Variants in SSX2IP observed in about 807,000 individuals in gnomAD.
SSX2IP encodes SSX family member 2 interacting protein.
Under a neutral mutation model 84.9 loss-of-function variants are expected in SSX2IP, and 55 were observed. The ratio of observed to expected loss-of-function variants is 0.65; its 90% CI spans 0.52 to 0.81. The LOEUF (loss-of-function observed/expected upper bound fraction) is 0.81, where lower values mean the gene tolerates loss of function less well. Among genes scored for constraint, SSX2IP ranks in the 30% least tolerant of loss-of-function variants. SSX2IP has a pLI of 0.00. For missense variants in SSX2IP, 664 were observed against 705.2 expected (o/e 0.94, Z 0.66); for synonymous variants, 239 against 234.7 (o/e 1.02, Z -0.17).
intron 1 of SSX2IP, among the ~76,000 whole-genome samples, chr1:84,689,151 A>T (rs1656225028): frequency 6.6e-6 from 1 of 152,162 alleles, no homozygotes; most frequent in Non-Finnish European, 1.5e-5. Flanking sequence ...CAAATTCATA[A>T]ATCTACCTCT....
Position 84,666,150 on chromosome 1 carries a change from T to C in SSX2IP, c.509A>G (p.His170Arg). 6.2e-7 allele frequency: 1 copy of C among 1,612,342 alleles called. No homozygotes were observed. Among genetic ancestry groups the C allele is most frequent in the South Asian group, 1.1e-5 (1 of 90,756 alleles). Reference protein sequence around the residue: ...RQLQCKNRNLHQLLKNEKDEV... With the variant: ...RQLQCKNRNLRQLLKNEKDEV... ...ATCTTTCTCATTCTTTAGTAGCTGATGCAAATTCCTGTTCTTACATTGTAA... is the reference window on the plus strand; with the variant it reads ...ATCTTTCTCATTCTTTAGTAGCTGACGCAAATTCCTGTTCTTACATTGTAA... The change falls in exon 5 of 14, where the codon CAT becomes CGT. Residue 170 changes from histidine (H) to arginine (R), a missense_variant. By Grantham distance (29) the His-to-Arg change is conservative. Transcript: ENST00000342203.
chr1:84,651,974 T>C lies in SSX2IP; in HGVS notation c.1413A>G (p.Arg471=). The C allele has an allele frequency of 1.9e-6, 3 of 1,613,738 alleles. No homozygotes were observed. Among genetic ancestry groups the C allele is most frequent in the Non-Finnish European group, 2.5e-6 (3 of 1,179,716 alleles). The stretch of plus-strand genomic sequence containing the variant: ...GAAACTGCTGCTTTAACCAACTGGC[T>C]CTTTCTTCTTCAAATGCCTTTCTCT... ...GLERKAFEEE[R]ASWLKQQFLN... The change falls in exon 12 of 14, where the codon AGA becomes AGG. Residue 471 remains arginine, a synonymous_variant. Coordinates refer to ENST00000342203, the MANE Select transcript of SSX2IP (RefSeq NM_001166293.2).
At chr1:84,684,311 T>C (rs767399141) in intron 1 of SSX2IP, among the ~76,000 whole-genome samples, 2 of 152,220 alleles carry the variant, frequency 1.3e-5, no homozygotes, top group Non-Finnish European at 2.9e-5. Context: ...TGAGAATCAC[T>C]GCTGTGTTCT....
In SSX2IP at chr1:84,671,274, G is replaced by C. The variant is rs1486666104; in HGVS notation, c.-55C>G. 5 of 1,595,722 alleles carry C rather than the reference G, an allele frequency of 3.1e-6. No homozygotes were observed. Among genetic ancestry groups the C allele is most frequent in the South Asian group, 1.1e-5 (1 of 87,242 alleles). The stretch of plus-strand genomic sequence containing the variant: ...AACTAGTTCAGCAGTTAAACATTTA[G>C]TCTAGCTGCTGTCACTCTTCTATGT... On this transcript the variant is annotated 5_prime_UTR_variant, in exon 2 of 14. Coordinates refer to ENST00000342203, the MANE Select transcript of SSX2IP (RefSeq NM_001166293.2).
chr1:84,688,181 A>G (rs1395321989), intron 1 of SSX2IP, among the ~76,000 whole-genome samples: 1 of 152,194 alleles, frequency 6.6e-6, no homozygotes, highest in Admixed American at 6.5e-5. Flanking sequence ...CAAAAGGCAC[A>G]ATTCTAGGAT....
rs1251326365 is a variant in SSX2IP at position 84,644,189 on chromosome 1, T to C, written c.*3244A>G. ...TAGTACTTCACAAAGGAAATAATGC[T>C]AAGACTTATAAATGGAAGCCTAGCC... On this transcript the variant is annotated 3_prime_UTR_variant, in exon 14 of 14. Coordinates refer to ENST00000342203, the MANE Select transcript of SSX2IP (RefSeq NM_001166293.2). The C allele has an allele frequency of 7.2e-5, 11 of 152,240 alleles. No homozygotes were observed. The highest frequency in any genetic ancestry group is 1.5e-5 in the Non-Finnish European group (1 of 68,036). 9.4% of individuals were successfully genotyped at this position (152,240 alleles called of 1,614,324 possible).
chr1:84,656,044 T>C (rs541320072), intron 10 of SSX2IP, 39 bp from the exon 11 acceptor site: 92 of 1,556,756 alleles, frequency 5.9e-5, no homozygotes, highest in Non-Finnish European at 7.6e-5. Flanking sequence ...CTGAGGGACC[T>C]TGCGACACTC....
rs199673519 is a variant in SSX2IP, at chr1:84,666,236, A to C, written c.427-4T>G. On this transcript the variant is annotated splice_polypyrimidine_tract_variant and splice_region_variant and intron_variant, in intron 4 of 13. Coordinates refer to ENST00000342203, the MANE Select transcript of SSX2IP (RefSeq NM_001166293.2). Reference sequence around the variant, plus strand: ...TCCTGGAGGTTTCCAGTTGTTCCTAAAACATTTATAAGCAATTTTGCTTAA... The same window carrying C: ...TCCTGGAGGTTTCCAGTTGTTCCTACAACATTTATAAGCAATTTTGCTTAA... The C allele has an allele frequency of 1.4e-4, 229 of 1,602,924 alleles. 1 individual carries two copies. In the East Asian group the frequency reaches 3.5e-3, roughly 25 times the overall value.
Position 84,644,409 on chromosome 1 carries a change from A to G in SSX2IP, c.*3024T>C, listed in dbSNP as rs1386529805. ...TTCATATCACCAAGGATTGGAAAGC[A>G]GTAGTAAGCCTTGACATACAGCAGG... On this transcript the variant is annotated 3_prime_UTR_variant, in exon 14 of 14. Transcript: ENST00000342203. 2 of 152,252 alleles carry G rather than the reference A, an allele frequency of 1.3e-5. No individual in the cohort carries two copies. Among genetic ancestry groups the G allele is most frequent in the African/African-American group, 4.8e-5 (2 of 41,476 alleles). The allele number at this position is 152,252 out of a possible 1,614,324, so 9.4% of individuals were successfully genotyped here.
rs1458414731 is a variant in SSX2IP at position 84,650,490 on chromosome 1, C to T, written c.1542G>A (p.Gln514=). Residue 514 remains glutamine (Q), a synonymous_variant, in exon 13 of 14, where the codon CAG becomes CAA. Transcript: ENST00000342203. ...ACACACTGTGAGGCTTCTTTTGCGG[C>T]TGCCTCGAGTGCACTATAAGATTGT... is the stretch of plus-strand genomic sequence containing the variant. ...DWDNLIVHSR[Q]PQKKPHSVSN... The T allele has an allele frequency of 2.0e-5, 32 of 1,614,004 alleles. No individual in the cohort carries two copies. Among genetic ancestry groups the T allele is most frequent in the Non-Finnish European group, 2.7e-5 (32 of 1,180,032 alleles).
chr1:84,654,802 C>T (rs1406225594), intron 11 of SSX2IP, among the ~76,000 whole-genome samples: 1 of 151,972 alleles, frequency 6.6e-6, no homozygotes, highest in African/African-American at 2.4e-5. Flanking sequence ...CAAGTTTAGA[C>T]AAAGTACTTA....
At position 84,669,671 on chromosome 1, in the gene SSX2IP, C is replaced by T. The variant is rs1653260444; in HGVS notation, c.426+10G>A. The T allele has an allele frequency of 6.2e-7, 1 of 1,607,340 alleles. No individual in the cohort carries two copies. The highest frequency in any genetic ancestry group is 8.5e-7 in the Non-Finnish European group (1 of 1,174,602). The stretch of plus-strand genomic sequence containing the variant: ...ATTATGGCATTAAAATATGGATCTG[C>T]AATTTCTACCTTAAGTTTTGAGTAG... On this transcript the variant is annotated intron_variant, in intron 4 of 13. Coordinates refer to ENST00000342203, the MANE Select transcript of SSX2IP (RefSeq NM_001166293.2).
At chr1:84,664,967 G>A (rs536200959) in intron 5 of SSX2IP, among the ~76,000 whole-genome samples, 5 of 152,208 alleles carry the variant, frequency 3.3e-5, no homozygotes, top group Admixed American at 2.6e-4. Flanking sequence ...GTGACACATG[G>A]CAGCAGGTAA....
At chr1:84,686,084 A>C (rs1655743846) in intron 1 of SSX2IP, among the ~76,000 whole-genome samples, 1 of 152,232 alleles carries the variant, frequency 6.6e-6, no homozygotes, top group Admixed American at 6.5e-5. Flanking sequence ...AATAAGTTCT[A>C]TTTGTAGCAC....
chr1:84,667,091 G>A (rs1323540176), intron 4 of SSX2IP, among the ~76,000 whole-genome samples: 1 of 151,962 alleles, frequency 6.6e-6, no homozygotes, highest in East Asian at 1.9e-4. Flanking sequence ...TACTACTAGG[G>A]TAGATCAGTT....
intron 13 of SSX2IP, chr1:84,649,857 C>T (rs951891003): frequency 6.2e-6 from 3 of 484,654 alleles, no homozygotes; most frequent in Non-Finnish European, 1.2e-5. Flanking sequence ...ATATGGGTTT[C>T]CCAGGGTGGA....
intron 11 of SSX2IP, among the ~76,000 whole-genome samples, chr1:84,655,143 AC>A (rs1294529867): frequency 6.6e-6 from 1 of 152,180 alleles, no homozygotes; most frequent in Non-Finnish European, 1.5e-5. Context: ...GAATCAATGA[AC>A]TGATAAACAA....
Position 84,650,509 on chromosome 1 carries a change from A to C in SSX2IP, c.1523T>G (p.Leu508Arg), listed in dbSNP as rs747732021. The C allele has an allele frequency of 6.2e-7, 1 of 1,614,170 alleles. No individual in the cohort carries two copies. The highest frequency in any genetic ancestry group is 8.5e-7 in the Non-Finnish European group (1 of 1,180,028). The change falls in exon 13 of 14, where the codon CTT becomes CGT. Residue 508 changes from leucine (L) to arginine (R), a missense_variant. Leu to Arg is a moderately radical substitution (Grantham distance 102). Coordinates refer to ENST00000342203, the MANE Select transcript of SSX2IP (RefSeq NM_001166293.2). ...TTGCGGCTGCCTCGAGTGCACTATA[A>C]GATTGTCCCAATCAGAACCTGTTGT... ...AFSGSSDWDN[L>R]IVHSRQPQKK... is the part of the protein sequence containing the mutation.
chr1:84,665,759 G>C (rs1000743284), intron 5 of SSX2IP, among the ~76,000 whole-genome samples: 1 of 152,102 alleles, frequency 6.6e-6, no homozygotes, highest in Non-Finnish European at 1.5e-5. Flanking sequence ...ATGCAAGAAG[G>C]GGCACCTCAG....
Sources: gnomAD v4.1 joint callset for allele counts (sites outside exome capture counted in the v4.1 genomes callset) on GRCh38, gnomAD v4.1.1 for gene constraint, MANE v1.5 for transcripts, NCBI Gene and HGNC (gene_info 2026-07-23, HGNC 2026-07-21) for gene names.